ETV2: variants seen among roughly 807,000 people sequenced by gnomAD.
ETV2 encodes ETS translocation variant 2.
Under a neutral mutation model 35.7 loss-of-function variants are expected in ETV2, and 34 were observed. The observed-to-expected ratio is 0.95, with a 90% CI of 0.72 to 1.27. The LOEUF (loss-of-function observed/expected upper bound fraction) is 1.27. ETV2 is among the 50% of genes most tolerant of loss of function. The probability of loss-of-function intolerance (pLI) is 0.00; values close to 1 mark genes in which losing one functional copy is unlikely to be tolerated. For missense variants in ETV2, 512 were observed against 470.5 expected, an observed-to-expected ratio of 1.09 and a Z score of -0.82; for synonymous variants, 207 against 203.9, an observed-to-expected ratio of 1.02 and a Z score of -0.13.
chr19:35,643,902 C>A lies in ETV2; in HGVS notation c.715+149C>A. On this transcript the variant is annotated intron_variant, in intron 5 of 6. Coordinates refer to ENST00000402764, the MANE Select transcript of ETV2 (RefSeq NM_014209.4). This position sits in a 1 kb window ranked among gnomAD's most constrained non-coding sequence, Gnocchi z 5.0. ...TCGAAGGAGGGGCCGGTGGCCCGCA[C>A]TCCAGGTCCTTGGGGAGGAGAGGGC... 1.7e-6 allele frequency: 2 copies of A among 1,162,774 alleles called. No individual in the cohort carries two copies. Among genetic ancestry groups the A allele is most frequent in the Non-Finnish European group, 1.2e-6 (1 of 819,750 alleles). 72.0% of individuals were successfully genotyped at this position (1,162,774 alleles called of 1,614,324 possible).
Position 35,642,501 on chromosome 19 carries a change from T to G in ETV2, c.41T>G (p.Val14Gly), listed in dbSNP as rs1967627324. The change falls in exon 2 of 7, where the codon GTG becomes GGG. Residue 14 changes from valine to glycine, a missense_variant. Coordinates refer to ENST00000402764, the MANE Select transcript of ETV2 (RefSeq NM_014209.4). This position sits in a 1 kb window ranked among gnomAD's most constrained non-coding sequence, Gnocchi z 4.4. ...WNWDEASPQEVPPGNKLAGLE... is the reference protein window; with the variant it reads ...WNWDEASPQEGPPGNKLAGLE... ...TGGGATGAGGCATCCCCACAGGAAG[T>G]GCCTCCAGGGAACAAGCTGGCAGGG... is the stretch of plus-strand genomic sequence containing the variant. 6.2e-7 allele frequency: 1 copy of G among 1,611,998 alleles called. No individual in the cohort carries two copies. The highest frequency in any genetic ancestry group is 8.5e-7 in the Non-Finnish European group (1 of 1,178,910).
In ETV2 at chr19:35,643,442, T is replaced by C; in HGVS notation, c.404T>C (p.Val135Ala). The C allele has an allele frequency of 6.5e-7, 1 of 1,546,530 alleles. No homozygotes were observed. Among genetic ancestry groups the C allele is most frequent in the Non-Finnish European group, 8.7e-7 (1 of 1,145,512 alleles). The change falls in exon 5 of 7, where the codon GTG becomes GCG. Residue 135 changes from valine to alanine, a missense_variant. Val to Ala is a moderately conservative substitution (Grantham distance 64). Coordinates refer to ENST00000402764, the MANE Select transcript of ETV2 (RefSeq NM_014209.4). The surrounding 1 kb of genome is among the most constrained non-coding windows in gnomAD (Gnocchi z 5.0). ...GCCGCGGGCCAGAACTGCGTCCCCG[T>C]GGCGGGAGAGGCCACCTCGTGGTCG... Reference protein sequence around the residue: ...EGAAGQNCVPVAGEATSWSRA... With the variant: ...EGAAGQNCVPAAGEATSWSRA...
Position 35,644,717 on chromosome 19 carries a change from C to T in ETV2, c.894C>T (p.Gly298=), listed in dbSNP as rs754513928. 4.4e-5 allele frequency: 71 copies of T among 1,605,462 alleles called. No individual in the cohort carries two copies. Among genetic ancestry groups the T allele is most frequent in the Non-Finnish European group, 5.6e-5 (66 of 1,175,440 alleles). ...TGAATTACGAGAAGCTGAGCCGGGG[C>T]CTTCGCTACTACTATCGCCGCGACA... ...PGMNYEKLSR[G]LRYYYRRDIV... Residue 298 remains glycine (G), a synonymous_variant, in exon 7 of 7, where the codon GGC becomes GGT. Coordinates refer to ENST00000402764, the MANE Select transcript of ETV2 (RefSeq NM_014209.4). This position sits in a 1 kb window ranked among gnomAD's most constrained non-coding sequence, Gnocchi z 4.7.
In ETV2 at chr19:35,642,816, T is replaced by A. The variant is rs1967638998; in HGVS notation, c.154+118T>A. On this transcript the variant is annotated intron_variant, in intron 3 of 6. Coordinates refer to ENST00000402764, the MANE Select transcript of ETV2 (RefSeq NM_014209.4). The surrounding 1 kb of genome is among the most constrained non-coding windows in gnomAD (Gnocchi z 4.4). ...TGGGACTGGGTGGGGAGGGGCCGCG[T>A]GCTTGACCCCTGAGGGTGAAGGAAA... 3 of 1,009,766 alleles carry A rather than the reference T, an allele frequency of 3.0e-6. No individual in the cohort carries two copies. The East Asian group carries it at 7.9e-5, about 26-fold the overall frequency. 62.6% of individuals were successfully genotyped at this position (1,009,766 alleles called of 1,614,324 possible). A position where few individuals can be genotyped will look rare whatever the true frequency, so the allele number is the denominator to read the frequency against.
In ETV2 at chr19:35,644,364, G is replaced by A; in HGVS notation, c.828+17G>A. On this transcript the variant is annotated intron_variant, in intron 6 of 6. Transcript: ENST00000402764. This position sits in a 1 kb window ranked among gnomAD's most constrained non-coding sequence, Gnocchi z 4.7. ...CCCAAAGAGGTGGGGCAGCTCCCCT[G>A]CCCAGCCAAATCCGCCCCGTCTCTT... 1.4e-6 allele frequency: 2 copies of A among 1,417,036 alleles called. No individual in the cohort carries two copies. Among genetic ancestry groups the A allele is most frequent in the Non-Finnish European group, 1.9e-6 (2 of 1,073,572 alleles). The allele number at this position is 1,417,036 out of a possible 1,614,324, so 87.8% of individuals were successfully genotyped here. A position where few individuals can be genotyped will look rare whatever the true frequency, so the allele number is the denominator to read the frequency against.
Position 35,643,713 on chromosome 19 carries a change from C to G in ETV2, c.675C>G (p.Asp225Glu), listed in dbSNP as rs768402672. 1 of 1,613,722 alleles carries G rather than the reference C, an allele frequency of 6.2e-7. No individual in the cohort carries two copies. The highest frequency in any genetic ancestry group is 1.3e-5 in the African/African-American group (1 of 74,932). ...TVCSEPSPQS[D>E]RASLARCPKT... is the part of the protein sequence containing the mutation. The stretch of plus-strand genomic sequence containing the variant: ...GCTCCGAACCGAGCCCGCAGTCGGA[C>G]CGTGCCAGTTTGGCTCGATGCCCCA... Residue 225 changes from aspartate to glutamate, a missense_variant, in exon 5 of 7, where the codon GAC becomes GAG. Physicochemically the swap from Asp to Glu is conservative, Grantham distance 45 (BLOSUM62 2). Coordinates refer to ENST00000402764, the MANE Select transcript of ETV2 (RefSeq NM_014209.4). This position sits in a 1 kb window ranked among gnomAD's most constrained non-coding sequence, Gnocchi z 5.0.
At position 35,642,598 on chromosome 19, in the gene ETV2, C is replaced by G; in HGVS notation, c.71-17C>G. 6.2e-7 allele frequency: 1 copy of G among 1,611,732 alleles called. No homozygotes were observed. Among genetic ancestry groups the G allele is most frequent in the Non-Finnish European group, 8.5e-7 (1 of 1,178,944 alleles). On this transcript the variant is annotated splice_polypyrimidine_tract_variant and intron_variant, in intron 2 of 6. Coordinates refer to ENST00000402764, the MANE Select transcript of ETV2 (RefSeq NM_014209.4). The surrounding 1 kb of genome is among the most constrained non-coding windows in gnomAD (Gnocchi z 4.4). ...CAGGTGGGGCCTCTGCTGACCCTAA[C>G]CCCTTATCGCCTGCAGAAGGAGCCA...
chr19:35,644,156 G>A lies in ETV2; in HGVS notation c.716-79G>A, dbSNP rs1348079201. On this transcript the variant is annotated intron_variant, in intron 5 of 6. Transcript: ENST00000402764. This position sits in a 1 kb window ranked among gnomAD's most constrained non-coding sequence, Gnocchi z 4.7. ...TCGGGTCCTGGGTCCCGAGTTGGGA[G>A]GACCCGGACCTCTAGATCATTGAAG... 1.0e-6 allele frequency: 1 copy of A among 991,946 alleles called. No individual in the cohort carries two copies. Among genetic ancestry groups the A allele is most frequent in the Non-Finnish European group, 1.6e-6 (1 of 642,950 alleles). 61.4% of individuals were successfully genotyped at this position (991,946 alleles called of 1,614,324 possible). A position where few individuals can be genotyped will look rare whatever the true frequency, so the allele number is the denominator to read the frequency against.
In ETV2 at chr19:35,643,541, G is replaced by C; in HGVS notation, c.503G>C (p.Ser168Thr). ...CCCGACGGCGATACCTACTGGGGCA[G>C]TGGCCTGGGCGGGGAGCCGCGCACG... ...VGPDGDTYWG[S>T]GLGGEPRTDC... The change falls in exon 5 of 7, where the codon AGT (serine) becomes ACT (threonine). Residue 168 changes from serine (S) to threonine (T), a missense_variant. Transcript: ENST00000402764. The surrounding 1 kb of genome is among the most constrained non-coding windows in gnomAD (Gnocchi z 5.0). The C allele has an allele frequency of 6.4e-7, 1 of 1,553,486 alleles. No homozygotes were observed. The highest frequency in any genetic ancestry group is 8.7e-7 in the Non-Finnish European group (1 of 1,148,464).
chr19:35,643,142 C>T lies in ETV2; in HGVS notation c.235+97C>T. The T allele has an allele frequency of 7.1e-7, 1 of 1,403,374 alleles. No individual in the cohort carries two copies. Among genetic ancestry groups the T allele is most frequent in the Non-Finnish European group, 9.7e-7 (1 of 1,028,706 alleles). 86.9% of individuals were successfully genotyped at this position (1,403,374 alleles called of 1,614,324 possible). On this transcript the variant is annotated intron_variant, in intron 4 of 6. Transcript: ENST00000402764. The surrounding 1 kb of genome is among the most constrained non-coding windows in gnomAD (Gnocchi z 5.0). ...CCTGATCTTTGAGGACTGAGAACAC[C>T]TGCGCCCTCAAGGTGGCATGACCTG... is the stretch of plus-strand genomic sequence containing the variant.
Position 35,642,171 on chromosome 19 carries a change from G to T in ETV2, c.-28+15G>T. ...ACCCGCCAGAGGTGAGCGATGAACT[G>T]AGGACTAGATGCCTGGGTGTCTGGG... On this transcript the variant is annotated intron_variant, in intron 1 of 6. Transcript: ENST00000402764. This position sits in a 1 kb window ranked among gnomAD's most constrained non-coding sequence, Gnocchi z 4.4. 3.5e-6 allele frequency: 1 copy of T among 285,166 alleles called. No individual in the cohort carries two copies. The highest frequency in any genetic ancestry group is 6.4e-5 in the South Asian group (1 of 15,734). 17.7% of individuals were successfully genotyped at this position (285,166 alleles called of 1,614,324 possible).
At position 35,643,110 on chromosome 19, in the gene ETV2, T is replaced by C; in HGVS notation, c.235+65T>C. 1 of 1,376,772 alleles carries C rather than the reference T, an allele frequency of 7.3e-7. No homozygotes were observed. The allele number at this position is 1,376,772 out of a possible 1,614,324, so 85.3% of individuals were successfully genotyped here. A position where few individuals can be genotyped will look rare whatever the true frequency, so the allele number is the denominator to read the frequency against. On this transcript the variant is annotated intron_variant, in intron 4 of 6. Transcript: ENST00000402764. This position sits in a 1 kb window ranked among gnomAD's most constrained non-coding sequence, Gnocchi z 5.0. ...TCCCGAGGCACCGGGGCTAGAGGTGTAGACTCCCTGATCTTTGAGGACTGA... is the reference window on the plus strand; with the variant it reads ...TCCCGAGGCACCGGGGCTAGAGGTGCAGACTCCCTGATCTTTGAGGACTGA...
chr19:35,643,461 G>T lies in ETV2; in HGVS notation c.423G>T (p.Ser141=), dbSNP rs1967673564. 6.5e-7 allele frequency: 1 copy of T among 1,547,494 alleles called. No homozygotes were observed. The highest frequency in any genetic ancestry group is 8.7e-7 in the Non-Finnish European group (1 of 1,145,908). ...NCVPVAGEAT[S]WSRAQAAGSN... ...TCCCCGTGGCGGGAGAGGCCACCTC[G>T]TGGTCGCGCGCCCAGGCCGCCGGGA... Residue 141 remains serine, a synonymous_variant, in exon 5 of 7, where the codon TCG becomes TCT. Coordinates refer to ENST00000402764, the MANE Select transcript of ETV2 (RefSeq NM_014209.4). This position sits in a 1 kb window ranked among gnomAD's most constrained non-coding sequence, Gnocchi z 5.0.
At position 35,643,249 on chromosome 19, in the gene ETV2, A is replaced by C. The variant is rs1430075126; in HGVS notation, c.236-25A>C. ...TTGAGGGGGCACCTGGGCTCCCCTC[A>C]CTCGGGATCCGTTACTCCTCACAGA... On this transcript the variant is annotated intron_variant, in intron 4 of 6. Coordinates refer to ENST00000402764, the MANE Select transcript of ETV2 (RefSeq NM_014209.4). The surrounding 1 kb of genome is among the most constrained non-coding windows in gnomAD (Gnocchi z 5.0). 6.3e-7 allele frequency: 1 copy of C among 1,576,178 alleles called. No homozygotes were observed. Among genetic ancestry groups the C allele is most frequent in the African/African-American group, 1.3e-5 (1 of 74,184 alleles).
Position 35,642,050 on chromosome 19 carries a change from C to CTCTG in ETV2, c.-133_-130dup, listed in dbSNP as rs1967612683. 6.3e-6 allele frequency: 1 copy of CTCTG among 158,234 alleles called. No individual in the cohort carries two copies. The highest frequency in any genetic ancestry group is 2.4e-5 in the African/African-American group (1 of 41,536). The allele number at this position is 158,234 out of a possible 1,614,324, so 9.8% of individuals were successfully genotyped here. Reference sequence around the variant, plus strand: ...AACTTGAGCCTGGCTGCGACCCCTGCTCTGACGTCTCGGAAAATTCCCCCT... The same window carrying CTCTG: ...AACTTGAGCCTGGCTGCGACCCCTGCTCTGTCTGACGTCTCGGAAAATTCCCCCT... On this transcript the variant is annotated 5_prime_UTR_variant, in exon 1 of 7. Coordinates refer to ENST00000402764, the MANE Select transcript of ETV2 (RefSeq NM_014209.4). The surrounding 1 kb of genome is among the most constrained non-coding windows in gnomAD (Gnocchi z 4.4).
Position 35,644,448 on chromosome 19 carries a change from C to A in ETV2, c.828+101C>A, listed in dbSNP as rs1188332344. On this transcript the variant is annotated intron_variant, in intron 6 of 6. Coordinates refer to ENST00000402764, the MANE Select transcript of ETV2 (RefSeq NM_014209.4). The surrounding 1 kb of genome is among the most constrained non-coding windows in gnomAD (Gnocchi z 4.7). ...TCAACCGCGTAGCCCTCGGCCCCGC[C>A]GCTCCCCGGCCCACTCGAGGCCCCG... The A allele has an allele frequency of 1.0e-6, 1 of 962,594 alleles. No homozygotes were observed. Among genetic ancestry groups the A allele is most frequent in the Non-Finnish European group, 1.6e-6 (1 of 637,528 alleles). 59.6% of individuals were successfully genotyped at this position (962,594 alleles called of 1,614,324 possible).
chr19:35,644,177 T>C lies in ETV2; in HGVS notation c.716-58T>C. 1 of 1,171,208 alleles carries C rather than the reference T, an allele frequency of 8.5e-7. No homozygotes were observed. The allele number at this position is 1,171,208 out of a possible 1,614,324, so 72.6% of individuals were successfully genotyped here. ...GGGAGGACCCGGACCTCTAGATCATTGAAGTGGTGTGATCTAGGGCCGGGA... is the reference window on the plus strand; with the variant it reads ...GGGAGGACCCGGACCTCTAGATCATCGAAGTGGTGTGATCTAGGGCCGGGA... On this transcript the variant is annotated intron_variant, in intron 5 of 6. Transcript: ENST00000402764. The surrounding 1 kb of genome is among the most constrained non-coding windows in gnomAD (Gnocchi z 4.7).
In ETV2 at chr19:35,642,690, G is replaced by T; in HGVS notation, c.146G>T (p.Cys49Phe). The change falls in exon 3 of 7, where the codon TGC becomes TTC. Residue 49 changes from cysteine to phenylalanine, a missense_variant. Transcript: ENST00000402764. This position sits in a 1 kb window ranked among gnomAD's most constrained non-coding sequence, Gnocchi z 4.4. ...GDTPTATAETCWKGTSSSLAS... is the reference protein window; with the variant it reads ...GDTPTATAETFWKGTSSSLAS... ...ACGCCGACAGCGACAGCAGAGACAT[G>T]CTGGAAAGGTGGCTGCGGGCTGGGA... 6.3e-7 allele frequency: 1 copy of T among 1,597,796 alleles called. No individual in the cohort carries two copies. The highest frequency in any genetic ancestry group is 8.5e-7 in the Non-Finnish European group (1 of 1,172,058).
In ETV2 at chr19:35,643,557, G is replaced by C. The variant is rs747868481; in HGVS notation, c.519G>C (p.Glu173Asp). 3.4e-5 allele frequency: 53 copies of C among 1,559,922 alleles called. No homozygotes were observed. In the Admixed American group the frequency reaches 9.8e-4, roughly 29 times the overall value. ...ACTGGGGCAGTGGCCTGGGCGGGGA[G>C]CCGCGCACGGACTGTACCATTTCGT... ...DTYWGSGLGG[E>D]PRTDCTISWG... Residue 173 changes from glutamate (E) to aspartate (D), a missense_variant, in exon 5 of 7, where the codon GAG becomes GAC. Transcript: ENST00000402764. This position sits in a 1 kb window ranked among gnomAD's most constrained non-coding sequence, Gnocchi z 5.0.
Sources: gnomAD v4.1 joint callset for allele counts on GRCh38, gnomAD v4.1.1 for gene constraint, Gnocchi (gnomAD v3.1) non-coding constraint, MANE v1.5 for transcripts, NCBI Gene and HGNC (gene_info 2026-07-23, HGNC 2026-07-21) for gene names.